ART1: variants seen among roughly 807,000 people sequenced by gnomAD.
ART1 encodes ADP-ribosyltransferase 1.
ART1 carries 29 observed loss-of-function variants against 27.0 expected under a neutral mutation model. The ratio of observed to expected loss-of-function variants is 1.08; its 90% CI spans 0.80 to 1.47. The LOEUF is 1.47. Among genes scored for constraint, ART1 ranks in the 40% most tolerant of loss-of-function variants. ART1 has a pLI of 0.00. For synonymous variants in ART1, 201 were observed against 172.2 expected (o/e 1.17, Z -1.31); for missense variants, 480 against 423.0 (o/e 1.13, Z -1.18).
chr11:3,662,737 G>A (rs1025990676), intron 4 of ART1, among the ~76,000 whole-genome samples: 3 of 152,146 alleles, frequency 2.0e-5, no homozygotes, highest in Non-Finnish European at 4.4e-5. Context: ...CCAGCTACTC[G>A]GGAGACTGAG....
At chr11:3,655,039 G>C (rs975463396) in intron 1 of ART1, among the ~76,000 whole-genome samples, 2 of 152,190 alleles carry the variant, frequency 1.3e-5, no homozygotes, top group Non-Finnish European at 2.9e-5. Context: ...TTTACTCCCA[G>C]GCTCATGGTC....
intron 3 of ART1, among the ~76,000 whole-genome samples, chr11:3,660,595 G>T (rs565235061): frequency 1.4e-3 from 216 of 152,334 alleles, no homozygotes; most frequent in African/African-American, 5.0e-3. Context: ...CTGCTGGGAG[G>T]CTGAAGAGGT....
chr11:3,656,481 C>G (rs1366252837), intron 1 of ART1, among the ~76,000 whole-genome samples: 1 of 152,062 alleles, frequency 6.6e-6, no homozygotes, highest in African/African-American at 2.4e-5. Context: ...TTCCTGGGTT[C>G]AAGCTATTCT....
Position 3,660,363 on chromosome 11 carries a change from G to A in ART1, c.844G>A (p.Asp282Asn), listed in dbSNP as rs2133964369. ...HSTYNCEYIK[D>N]KKCKSGPCHL... ...CACCTACAACTGCGAGTACATCAAA[G>A]GTAGGAGGGCAAGCGCTGGTCGGCA... The change falls in exon 3 of 5, where the codon GAC (aspartate) becomes AAC (asparagine). Residue 282 changes from aspartate to asparagine, a missense_variant and splice_region_variant. Asp to Asn is a conservative substitution (Grantham distance 23, BLOSUM62 1). Coordinates refer to ENST00000250693, the MANE Select transcript of ART1 (RefSeq NM_004314.3). The A allele has an allele frequency of 2.5e-6, 4 of 1,596,996 alleles. No individual in the cohort carries two copies. In the Middle Eastern group the frequency reaches 5.0e-4, roughly 198 times the overall value.
At chr11:3,647,461 C>T (rs180678828) in intron 1 of ART1, among the ~76,000 whole-genome samples, 2 of 152,086 alleles carry the variant, frequency 1.3e-5, no homozygotes, top group Non-Finnish European at 2.9e-5. Flanking sequence ...CATGGCAAAA[C>T]CCCTTCTCAA....
In ART1 at chr11:3,659,615, C is replaced by A. The variant is rs1326931467; in HGVS notation, c.96C>A (p.Leu32=). Residue 32 remains leucine, a synonymous_variant, in exon 3 of 5, where the codon CTC becomes CTA. Coordinates refer to ENST00000250693, the MANE Select transcript of ART1 (RefSeq NM_004314.3). ...AQSHPITRRD[L]FSQEIQLDMA... ...GCCACCCCATCACACGACGAGACCT[C>A]TTCTCTCAAGAGATTCAGCTGGACA... 6.2e-7 allele frequency: 1 copy of A among 1,611,320 alleles called. No homozygotes were observed.
At chr11:3,661,872 G>A (rs1379220299) in intron 4 of ART1, among the ~76,000 whole-genome samples, 2 of 152,212 alleles carry the variant, frequency 1.3e-5, no homozygotes, top group East Asian at 1.9e-4. Flanking sequence ...GCACCTTGGG[G>A]GTTGCCAGCC....
intron 3 of ART1, 115 bp downstream of exon 3, chr11:3,660,478 A>T (rs2077612638): frequency 8.1e-7 from 1 of 1,240,018 alleles, no homozygotes; most frequent in Non-Finnish European, 1.1e-6. Context: ...CATAAATACA[A>T]GTCATATCCA....
Position 3,664,203 on chromosome 11 carries a change from G to A in ART1, c.*14G>A. 6.2e-7 allele frequency: 1 copy of A among 1,611,992 alleles called. No individual in the cohort carries two copies. The highest frequency in any genetic ancestry group is 8.5e-7 in the Non-Finnish European group (1 of 1,178,922). On this transcript the variant is annotated 3_prime_UTR_variant, in exon 5 of 5. Coordinates refer to ENST00000250693, the MANE Select transcript of ART1 (RefSeq NM_004314.3). ...GGCCTCCTTTGATGCATGAGACACG[G>A]GACAGCCTCGCCTGCTGCCTCTGCC...
intron 1 of ART1, among the ~76,000 whole-genome samples, chr11:3,652,829 GTAAA>G (rs1244653326): frequency 6.6e-6 from 1 of 151,076 alleles, no homozygotes; most frequent in Non-Finnish European, 1.5e-5. Flanking sequence ...AACTCTTGAA[GTAAA>G]TAAATAATCT....
At chr11:3,654,797 A>G (rs28485465) in intron 1 of ART1, among the ~76,000 whole-genome samples, 58,265 of 140,596 alleles carry the variant, frequency 0.41, 13,938 homozygotes, top group Admixed American at 0.61. Context: ...TCCACCTCCT[A>G]CCTCTGTCTG....
intron 1 of ART1, among the ~76,000 whole-genome samples, chr11:3,655,177 A>G (rs774691805): frequency 6.6e-6 from 1 of 152,182 alleles, no homozygotes; most frequent in Non-Finnish European, 1.5e-5. Flanking sequence ...TCACGTGTTC[A>G]TTCTGGGGGT....
intron 1 of ART1, chr11:3,655,422 C>A (rs943744706): frequency 5.3e-5 from 8 of 152,222 alleles, no homozygotes; most frequent in Non-Finnish European, 1.2e-4. Context: ...AGTCTGACTT[C>A]CAGCCCTCAT....
chr11:3,649,330 C>T (rs2077497893), intron 1 of ART1, among the ~76,000 whole-genome samples: 1 of 152,210 alleles, frequency 6.6e-6, no homozygotes, highest in Non-Finnish European at 1.5e-5. Flanking sequence ...CAGAAAACGG[C>T]ACTTTCAATT....
intron 1 of ART1, among the ~76,000 whole-genome samples, chr11:3,652,026 G>C (rs550359566): frequency 3.3e-5 from 5 of 151,740 alleles, no homozygotes. Flanking sequence ...TTCCATCGTG[G>C]AAATCTATCC....
intron 1 of ART1, among the ~76,000 whole-genome samples, chr11:3,652,993 C>T (rs536638635): frequency 2.0e-5 from 3 of 148,218 alleles, no homozygotes; most frequent in Admixed American, 1.3e-4. Flanking sequence ...CAGGCCATCA[C>T]CAATAATTCT....
chr11:3,646,369 G>A (rs1652704514), intron 1 of ART1, among the ~76,000 whole-genome samples: 2 of 152,194 alleles, frequency 1.3e-5, no homozygotes, highest in East Asian at 1.9e-4. Context: ...GCATTAGTTG[G>A]CAACTATGTG....
At chr11:3,647,547 T>A (rs2077478970) in intron 1 of ART1, among the ~76,000 whole-genome samples, 1 of 151,236 alleles carries the variant, frequency 6.6e-6, no homozygotes, top group Non-Finnish European at 1.5e-5. Flanking sequence ...GGTGGGAGAA[T>A]CACTTGAACC....
chr11:3,654,933 G>T (rs978148484), intron 1 of ART1, among the ~76,000 whole-genome samples: 1 of 152,250 alleles, frequency 6.6e-6, no homozygotes, highest in Admixed American at 6.5e-5. Context: ...CAGAAACAGA[G>T]CTGTGGAGAC....
Sources: allele counts gnomAD v4.1 joint callset (sites outside exome capture counted in the v4.1 genomes callset), GRCh38; gene constraint gnomAD v4.1.1; transcripts MANE v1.5; gene names NCBI Gene and HGNC (gene_info 2026-07-23, HGNC 2026-07-21).